Variants in CDH6 observed in about 807,000 individuals in gnomAD.
CDH6 encodes the protein cadherin-6.
CDH6 carries 31 observed loss-of-function variants against 78.0 expected under a neutral mutation model. That is an observed-to-expected ratio of 0.40 (90% CI 0.30 to 0.54). The LOEUF (loss-of-function observed/expected upper bound fraction) is 0.54. Ranked by LOEUF, CDH6 falls within the 20% of genes least tolerant of loss-of-function variation. The pLI is 0.56. For synonymous variants in CDH6, 376 were observed against 368.8 expected (o/e 1.02, Z -0.23); for missense variants, 724 against 975.9 (o/e 0.74, Z 3.44).
At chr5:31,237,786 G>A (rs113647480) in intron 1 of CDH6, among the ~76,000 whole-genome samples, 4,220 of 152,250 alleles carry the variant, frequency 0.028, 87 homozygotes, top group Middle Eastern at 0.062. Context: ...CAGTGAAGTA[G>A]CAGTGGAAGT....
intron 9 of CDH6, among the ~76,000 whole-genome samples, chr5:31,317,045 G>A (rs1352210395): frequency 6.6e-6 from 1 of 152,166 alleles, no homozygotes; most frequent in African/African-American, 2.4e-5. Context: ...CAATCAGGGT[G>A]ATTTCCTCCC....
intron 1 of CDH6, among the ~76,000 whole-genome samples, chr5:31,234,174 T>C (rs981095090): frequency 6.6e-6 from 1 of 152,186 alleles, no homozygotes; most frequent in Non-Finnish European, 1.5e-5. Context: ...AGGTTTTTTT[T>C]ATTCTTTATT....
chr5:31,278,228 T>C (rs777052497), intron 2 of CDH6, among the ~76,000 whole-genome samples: 2 of 152,200 alleles, frequency 1.3e-5, no homozygotes, highest in African/African-American at 2.4e-5. Flanking sequence ...TTTTAGATAG[T>C]AAACATATAA....
intron 1 of CDH6, among the ~76,000 whole-genome samples, chr5:31,258,408 G>A (rs1742116412): frequency 6.6e-6 from 1 of 152,122 alleles, no homozygotes; most frequent in Non-Finnish European, 1.5e-5. Flanking sequence ...AACACCGCAT[G>A]TTCTCACCCA....
At chr5:31,194,139 C>T (rs2111753556) in intron 1 of CDH6, among the ~76,000 whole-genome samples, 1 of 152,110 alleles carries the variant, frequency 6.6e-6, no homozygotes, top group East Asian at 2.0e-4. Flanking sequence ...CCTCCGCCTC[C>T]TGGTAAGACC....
Position 31,282,893 on chromosome 5 carries a change from T to C in CDH6, c.229-11069T>C, listed in dbSNP as rs140599031. Among the ~76,000 whole-genome samples, 84 of 151,886 alleles carry C rather than the reference T, an allele frequency of 5.5e-4. 4 individuals carry two copies. The East Asian group carries it at 0.014, about 25-fold the overall frequency. ...ATGTAACAAAAAACAAAAAATTGAA[T>C]TGAGTAGGGTTATACTGAATCTCTG... On this transcript the variant is annotated intron_variant, in intron 2 of 11. Coordinates refer to ENST00000265071, the MANE Select transcript of CDH6 (RefSeq NM_004932.4).
rs1330659361 is a variant in CDH6, at chr5:31,294,780, A to G, written c.523+524A>G. On this transcript the variant is annotated intron_variant, in intron 3 of 11. Coordinates refer to ENST00000265071, the MANE Select transcript of CDH6 (RefSeq NM_004932.4). The surrounding 1 kb of genome is among the most constrained non-coding windows in gnomAD (Gnocchi z 4.1). ...GTCTAGGGAGTGGATCCTTTACTACATGGTGGAAATGAAAAGACTTTCATA... is the reference window on the plus strand; with the variant it reads ...GTCTAGGGAGTGGATCCTTTACTACGTGGTGGAAATGAAAAGACTTTCATA... Among the ~76,000 whole-genome samples, 1 of 152,210 alleles carries G rather than the reference A, an allele frequency of 6.6e-6. No homozygotes were observed. Among genetic ancestry groups the G allele is most frequent in the Non-Finnish European group, 1.5e-5 (1 of 68,038 alleles).
chr5:31,271,216 A>G (rs767807404), intron 2 of CDH6, among the ~76,000 whole-genome samples: 20 of 152,208 alleles, frequency 1.3e-4, no homozygotes, highest in Admixed American at 2.6e-4. Context: ...TTAATTTGTG[A>G]TAAGTCATCG....
chr5:31,235,568 G>A (rs1330518310), intron 1 of CDH6, among the ~76,000 whole-genome samples: 3 of 152,062 alleles, frequency 2.0e-5, no homozygotes, highest in African/African-American at 7.2e-5. Flanking sequence ...CTGACCACGT[G>A]GCAGGAAACA....
chr5:31,311,583 G>T (rs1480026350), intron 7 of CDH6, among the ~76,000 whole-genome samples: 1 of 152,164 alleles, frequency 6.6e-6, no homozygotes, highest in Non-Finnish European at 1.5e-5. Context: ...TTCTCACACT[G>T]CTATAAAGAA....
chr5:31,206,344 G>A (rs1327241428), intron 1 of CDH6, among the ~76,000 whole-genome samples: 1 of 152,120 alleles, frequency 6.6e-6, no homozygotes, highest in Non-Finnish European at 1.5e-5. Flanking sequence ...CAGTTAGAAA[G>A]GAAATCCATT....
intron 1 of CDH6, among the ~76,000 whole-genome samples, chr5:31,258,610 C>T (rs1015949526): frequency 1.3e-5 from 2 of 151,626 alleles, no homozygotes; most frequent in African/African-American, 4.9e-5. Flanking sequence ...ATGTTCTGCA[C>T]GTGTACCCCA....
intron 5 of CDH6, among the ~76,000 whole-genome samples, chr5:31,300,769 A>T (rs910763254): frequency 2.0e-5 from 3 of 152,176 alleles, no homozygotes; most frequent in African/African-American, 7.2e-5. Flanking sequence ...TGCCAAGGCA[A>T]GGGAGGGAGA....
rs201375147 is a variant in CDH6 at position 31,215,583 on chromosome 5, C to CT, written c.-129+21706dup. Among the ~76,000 whole-genome samples the CT allele has an allele frequency of 1.2e-3, 180 of 151,434 alleles. 1 individual carries two copies. Among genetic ancestry groups the CT allele is most frequent in the African/African-American group, 3.6e-3 (148 of 41,352 alleles). On this transcript the variant is annotated intron_variant, in intron 1 of 11. Coordinates refer to ENST00000265071, the MANE Select transcript of CDH6 (RefSeq NM_004932.4). ...TTTTAATGTCTCCATGTCTATTTCT[C>CT]TTTTTTTTTCTCATTGTGGGTATTC...
intron 1 of CDH6, among the ~76,000 whole-genome samples, chr5:31,238,489 A>C (rs1429733379): frequency 1.3e-5 from 2 of 152,194 alleles, no homozygotes; most frequent in African/African-American, 2.4e-5. Context: ...AGACAGAAAG[A>C]ACTGTCTTTC....
rs540693198 is a variant in CDH6 at position 31,323,769 on chromosome 5, G to A, written c.*461G>A. The A allele has an allele frequency of 4.3e-6, 1 of 233,342 alleles. No homozygotes were observed. The highest frequency in any genetic ancestry group is 2.2e-5 in the African/African-American group (1 of 45,320). The allele number at this position is 233,342 out of a possible 1,614,324, so 14.5% of individuals were successfully genotyped here. A position where few individuals can be genotyped will look rare whatever the true frequency, so the allele number is the denominator to read the frequency against. ...CTCACAAAGAGATAAACTACATAGG[G>A]GTGTTTATTTGTGTCACAAAGAATT... On this transcript the variant is annotated 3_prime_UTR_variant, in exon 12 of 12. Transcript: ENST00000265071.
intron 1 of CDH6, among the ~76,000 whole-genome samples, chr5:31,252,931 CA>C (rs970496043): frequency 2.0e-5 from 3 of 152,068 alleles, no homozygotes; most frequent in Non-Finnish European, 2.9e-5. Context: ...GATAATGTAG[CA>C]ATGTGCTAAG....
At chr5:31,302,837 A>AAAGG in intron 6 of CDH6, among the ~76,000 whole-genome samples, 1 of 145,562 alleles carries the variant, frequency 6.9e-6, no homozygotes, top group Admixed American at 6.9e-5. Context: ...AGAAAGAAAG[A>AAAGG]AAGAAAGAAA....
At chr5:31,293,859 A>G (rs543168719) in intron 2 of CDH6, 103 bp from the exon 3 acceptor site, 1 of 688,154 alleles carries the variant, frequency 1.5e-6, no homozygotes, top group African/African-American at 1.9e-5. Flanking sequence ...ATTCCTTAGA[A>G]AGAATTTAAT....
Sources: allele counts gnomAD v4.1 joint callset (sites outside exome capture counted in the v4.1 genomes callset), GRCh38; gene constraint gnomAD v4.1.1; non-coding constraint Gnocchi (gnomAD v3.1); transcripts MANE v1.5; gene names NCBI Gene and HGNC (gene_info 2026-07-23, HGNC 2026-07-21).